KASH5: variants seen among roughly 807,000 people sequenced by gnomAD.
KASH5 encodes the protein KASH domain containing 5, also known as protein KASH5.
In KASH5, 72 loss-of-function variants were observed where a neutral mutation model predicts 84.2. That is an observed-to-expected ratio of 0.85 (90% confidence interval 0.71 to 1.04). The LOEUF is 1.04. Among genes scored for constraint, KASH5 ranks in the 50% least tolerant of loss-of-function variants. The pLI is 0.00. For missense variants in KASH5, 650 were observed against 701.0 expected (o/e 0.93, Z 0.82); for synonymous variants, 260 against 279.1 (o/e 0.93, Z 0.68).
intron 15 of KASH5, among the ~76,000 whole-genome samples, chr19:49,411,147 C>T (rs1974697040): frequency 6.7e-6 from 1 of 150,322 alleles, no homozygotes; most frequent in African/African-American, 2.4e-5. Flanking sequence ...CCTGTGTTGC[C>T]CAGTCTGGCT....
chr19:49,395,313 C>A lies in KASH5; in HGVS notation c.335+21C>A. 6.2e-7 allele frequency: 1 copy of A among 1,608,284 alleles called. No homozygotes were observed. The highest frequency in any genetic ancestry group is 8.5e-7 in the Non-Finnish European group (1 of 1,177,992). On this transcript the variant is annotated intron_variant, in intron 4 of 19. Coordinates refer to ENST00000447857, the MANE Select transcript of KASH5 (RefSeq NM_144688.5). The surrounding 1 kb of genome is among the most constrained non-coding windows in gnomAD (Gnocchi z 4.4). ...CATGGGTGAGTCCCCACATCTTCAT[C>A]CTCCTCTGGGAAGTCCTTCCTAAGA...
rs962272640 is a variant in KASH5 at position 49,395,864 on chromosome 19, C to T, written c.400+31C>T. 8.5e-6 allele frequency: 13 copies of T among 1,536,638 alleles called. No individual in the cohort carries two copies. Among genetic ancestry groups the T allele is most frequent in the Non-Finnish European group, 1.1e-5 (13 of 1,136,570 alleles). ...ATTGCTATATATAGAATGAAGCAGG[C>T]AGGCCCTGGGTCAGACAGTGTGGGG... is the stretch of plus-strand genomic sequence containing the variant. On this transcript the variant is annotated intron_variant, in intron 5 of 19. Transcript: ENST00000447857. This position sits in a 1 kb window ranked among gnomAD's most constrained non-coding sequence, Gnocchi z 4.4.
At chr19:49,405,956 C>CAAAAAAAAAA (rs59895865) in intron 9 of KASH5, among the ~76,000 whole-genome samples, 1 of 67,832 alleles carries the variant, frequency 1.5e-5, no homozygotes. Context: ...AACTCCGTCT[C>CAAAAAAAAAA]AAAAAAAAAA....
At chr19:49,403,572 G>A (rs930760163) in intron 9 of KASH5, among the ~76,000 whole-genome samples, 85 of 152,214 alleles carry the variant, frequency 5.6e-4, no homozygotes, top group Non-Finnish European at 2.9e-4. Flanking sequence ...AAGTGAGAAG[G>A]GGTGAGAATG....
rs1715527096 is a variant in KASH5, at chr19:49,399,177, C to T, written c.747+35C>T. Reference sequence around the variant, plus strand: ...GCCCAGGGGAAGGAAGGTGCCCTCTCTCTTCTTTGTTTCCTGGAGTCAGGG... The same window carrying T: ...GCCCAGGGGAAGGAAGGTGCCCTCTTTCTTCTTTGTTTCCTGGAGTCAGGG... On this transcript the variant is annotated intron_variant, in intron 8 of 19. Transcript: ENST00000447857. The surrounding 1 kb of genome is among the most constrained non-coding windows in gnomAD (Gnocchi z 4.4). 6.6e-7 allele frequency: 1 copy of T among 1,505,904 alleles called. No individual in the cohort carries two copies. 93.3% of individuals were successfully genotyped at this position (1,505,904 alleles called of 1,614,324 possible).
In KASH5 at chr19:49,409,214, G is replaced by C; in HGVS notation, c.1077G>C (p.Gln359His). The C allele has an allele frequency of 6.2e-7, 1 of 1,613,884 alleles. No individual in the cohort carries two copies. Among genetic ancestry groups the C allele is most frequent in the African/African-American group, 1.3e-5 (1 of 75,054 alleles). ...TGGCCAGGCTACCTGAAGGGGCCCA[G>C]CTGAGAAGAGTGGGCTGGACCGAGC... ...EGPDELPEGA[Q>H]LRRVGWTELL... Residue 359 changes from glutamine to histidine, a missense_variant, in exon 14 of 20, where the codon CAG becomes CAC. Coordinates refer to ENST00000447857, the MANE Select transcript of KASH5 (RefSeq NM_144688.5).
At chr19:49,405,716 G>A (rs187654227) in intron 9 of KASH5, among the ~76,000 whole-genome samples, 1 of 152,036 alleles carries the variant, frequency 6.6e-6, no homozygotes, top group Non-Finnish European at 1.5e-5. Context: ...CAGCACTTTG[G>A]GAGGTGGAGG....
At chr19:49,401,354 C>T (rs542274858) in intron 9 of KASH5, among the ~76,000 whole-genome samples, 1 of 152,148 alleles carries the variant, frequency 6.6e-6, no homozygotes, top group Non-Finnish European at 1.5e-5. Flanking sequence ...TTCCTCTGTT[C>T]TCCCTGAGCT....
intron 9 of KASH5, among the ~76,000 whole-genome samples, chr19:49,404,497 C>G (rs565915314): frequency 6.6e-6 from 1 of 152,190 alleles, no homozygotes; most frequent in Non-Finnish European, 1.5e-5. Flanking sequence ...CCTCAGGAAG[C>G]CTGTTAGTGC....
chr19:49,417,533 G>T lies in KASH5; in HGVS notation c.*23G>T. The stretch of plus-strand genomic sequence containing the variant: ...TGAGAGGCTCTACTTGCCCCTCAGA[G>T]CAGTGTCTAGCTCAATAAATCCCCT... On this transcript the variant is annotated 3_prime_UTR_variant, in exon 20 of 20. Coordinates refer to ENST00000447857, the MANE Select transcript of KASH5 (RefSeq NM_144688.5). This position sits in a 1 kb window ranked among gnomAD's most constrained non-coding sequence, Gnocchi z 5.2. 6.6e-7 allele frequency: 1 copy of T among 1,507,790 alleles called. No individual in the cohort carries two copies. 93.4% of individuals were successfully genotyped at this position (1,507,790 alleles called of 1,614,324 possible).
chr19:49,406,181 G>A (rs950427468), intron 9 of KASH5, among the ~76,000 whole-genome samples: 2 of 150,532 alleles, frequency 1.3e-5, no homozygotes, highest in African/African-American at 2.5e-5. Context: ...AAACAAAACC[G>A]AGAAAATGCA....
At position 49,400,261 on chromosome 19, in the gene KASH5, C is replaced by T. The variant is rs1047040375; in HGVS notation, c.798+754C>T. On this transcript the variant is annotated intron_variant, in intron 9 of 19. Transcript: ENST00000447857. ...AAAAAAAAAAAATTGGATTTGAAGTCAACCTTGAGTTCAAATCCCATCTCC... is the reference window on the plus strand; with the variant it reads ...AAAAAAAAAAAATTGGATTTGAAGTTAACCTTGAGTTCAAATCCCATCTCC... 2.7e-5 allele frequency among the ~76,000 whole-genome samples: 4 copies of T among 147,136 alleles called. No homozygotes were observed. The South Asian group carries it at 6.3e-4, about 23-fold the overall frequency.
Position 49,417,209 on chromosome 19 carries a change from T to C in KASH5, c.1490T>C (p.Leu497Pro). Residue 497 changes from leucine (L) to proline (P), a missense_variant, in exon 19 of 20, where the codon CTG becomes CCG. Leu to Pro is a moderately conservative substitution (Grantham distance 98). Transcript: ENST00000447857. This position sits in a 1 kb window ranked among gnomAD's most constrained non-coding sequence, Gnocchi z 5.2. ...GCCCTGGTGCCTGTGATGAAAAAGC[T>C]GGTCCCAGTCAGGAGGAGGGCCTGG... ...QQALVPVMKKLVPVRRRAWGQ... is the reference protein window; with the variant it reads ...QQALVPVMKKPVPVRRRAWGQ... 2 of 1,613,904 alleles carry C rather than the reference T, an allele frequency of 1.2e-6. No homozygotes were observed. The highest frequency in any genetic ancestry group is 1.7e-6 in the Non-Finnish European group (2 of 1,179,848).
intron 9 of KASH5, among the ~76,000 whole-genome samples, chr19:49,404,906 A>AT (rs1426977944): frequency 6.6e-6 from 1 of 152,158 alleles, no homozygotes; most frequent in Non-Finnish European, 1.5e-5. Flanking sequence ...AGAAATAATG[A>AT]TAGAGGAAAG....
At chr19:49,400,847 C>T (rs1974341398) in intron 9 of KASH5, among the ~76,000 whole-genome samples, 1 of 152,148 alleles carries the variant, frequency 6.6e-6, no homozygotes, top group African/African-American at 2.4e-5. Context: ...AGAAAAACAT[C>T]ATCTTAGTTC....
rs557372382 is a variant in KASH5 at position 49,391,022 on chromosome 19, G to T, written c.43+96G>T. 3.6e-6 allele frequency: 5 copies of T among 1,379,336 alleles called. 1 individual carries two copies. In the South Asian group the frequency reaches 6.2e-5, roughly 17 times the overall value. The allele number at this position is 1,379,336 out of a possible 1,614,324, so 85.4% of individuals were successfully genotyped here. On this transcript the variant is annotated intron_variant, in intron 2 of 19. Coordinates refer to ENST00000447857, the MANE Select transcript of KASH5 (RefSeq NM_144688.5). ...GTGACTCGGGGACTTGGGAGAGGTGGCTGGGGGTGGCTGAGCCTTTGCATG... is the reference window on the plus strand; with the variant it reads ...GTGACTCGGGGACTTGGGAGAGGTGTCTGGGGGTGGCTGAGCCTTTGCATG...
In KASH5 at chr19:49,416,963, A is replaced by G. The variant is rs1400358088; in HGVS notation, c.1375-52A>G. On this transcript the variant is annotated intron_variant, in intron 17 of 19. Coordinates refer to ENST00000447857, the MANE Select transcript of KASH5 (RefSeq NM_144688.5). This position sits in a 1 kb window ranked among gnomAD's most constrained non-coding sequence, Gnocchi z 5.4. ...TTGTGTCCAGTGGGCTGACCTGAGCACCTCTCAGTCCAGAACCCGGTGCCT... is the reference window on the plus strand; with the variant it reads ...TTGTGTCCAGTGGGCTGACCTGAGCGCCTCTCAGTCCAGAACCCGGTGCCT... 2 of 1,533,480 alleles carry G rather than the reference A, an allele frequency of 1.3e-6. No homozygotes were observed. Among genetic ancestry groups the G allele is most frequent in the East Asian group, 4.9e-5 (2 of 41,130 alleles). The allele number at this position is 1,533,480 out of a possible 1,614,324, so 95.0% of individuals were successfully genotyped here.
At position 49,397,712 on chromosome 19, in the gene KASH5, C is replaced by T. The variant is rs771751679; in HGVS notation, c.462C>T (p.Pro154=). 26 of 1,613,454 alleles carry T rather than the reference C, an allele frequency of 1.6e-5. No individual in the cohort carries two copies. Among genetic ancestry groups the T allele is most frequent in the East Asian group, 1.6e-4 (7 of 44,886 alleles). Residue 154 remains proline (P), a synonymous_variant, in exon 6 of 20, where the codon CCC becomes CCT. Coordinates refer to ENST00000447857, the MANE Select transcript of KASH5 (RefSeq NM_144688.5). ...LESFGGEDPR[P]ELQATADLLS... ...GCTTCGGAGGCGAAGACCCCAGACC[C>T]GAGCTGTACCTATCCTCACACCCCT... is the stretch of plus-strand genomic sequence containing the variant.
In KASH5 at chr19:49,390,916, C is replaced by T; in HGVS notation, c.33C>T (p.Pro11=). The T allele has an allele frequency of 6.2e-7, 1 of 1,604,912 alleles. No individual in the cohort carries two copies. The highest frequency in any genetic ancestry group is 8.5e-7 in the Non-Finnish European group (1 of 1,176,440). Residue 11 remains proline, a synonymous_variant, in exon 2 of 20, where the codon CCC becomes CCT. Coordinates refer to ENST00000447857, the MANE Select transcript of KASH5 (RefSeq NM_144688.5). ...TGCCCGAGGGCCCGGTGGGTGGCCC[C>T]ACTGCGGAAAGTAAGTGGCTGGAAC... The part of the protein sequence containing the change: MDLPEGPVGG[P]TAEMYLRERP...
Sources: gnomAD v4.1 joint callset for allele counts (sites outside exome capture counted in the v4.1 genomes callset) on GRCh38, gnomAD v4.1.1 for gene constraint, Gnocchi (gnomAD v3.1) non-coding constraint, MANE v1.5 for transcripts, NCBI Gene and HGNC (gene_info 2026-07-23, HGNC 2026-07-21) for gene names.